ATRNL1: variants seen among roughly 807,000 people sequenced by gnomAD.
ATRNL1 encodes the protein attractin like 1.
ATRNL1 carries 95 observed loss-of-function variants against 182.7 expected under a neutral mutation model. The observed-to-expected ratio is 0.52, with a 90% CI of 0.44 to 0.62. The LOEUF (loss-of-function observed/expected upper bound fraction) is 0.62. ATRNL1 is among the 20% of genes least tolerant of loss of function. The pLI is 0.00. For missense variants in ATRNL1, 1,471 were observed against 1,679.5 expected, an observed-to-expected ratio of 0.88 and a Z score of 2.17; for synonymous variants, 576 against 568.3, an observed-to-expected ratio of 1.01 and a Z score of -0.19.
chr10:115,203,163 G>A (rs145106901), intron 8 of ATRNL1, among the ~76,000 whole-genome samples: 4 of 152,152 alleles, frequency 2.6e-5, no homozygotes, highest in African/African-American at 2.4e-5. Context: ...CCAGAAGCAG[G>A]GTTCAAAAGC....
chr10:115,297,033 AAT>A (rs1367150316), intron 15 of ATRNL1, among the ~76,000 whole-genome samples: 1 of 152,184 alleles, frequency 6.6e-6, no homozygotes, highest in Non-Finnish European at 1.5e-5. Flanking sequence ...ACCTAAGAAT[AAT>A]TTCCTAGAGG....
At chr10:115,189,928 A>T in intron 8 of ATRNL1, among the ~76,000 whole-genome samples, 1 of 151,886 alleles carries the variant, frequency 6.6e-6, no homozygotes, top group East Asian at 1.9e-4. Context: ...ACCATTTTTT[A>T]TTTTTTACAC....
intron 8 of ATRNL1, among the ~76,000 whole-genome samples, chr10:115,200,430 A>G (rs1256476303): frequency 5.3e-5 from 7 of 132,684 alleles, no homozygotes. Context: ...TCCTGTGTCC[A>G]TGTGTTCTCA....
At chr10:115,228,238 C>T (rs1348995214) in intron 9 of ATRNL1, among the ~76,000 whole-genome samples, 1 of 152,154 alleles carries the variant, frequency 6.6e-6, no homozygotes, top group Admixed American at 6.5e-5. Flanking sequence ...TGCTATCCCA[C>T]TCCTTCAGGA....
intron 28 of ATRNL1, among the ~76,000 whole-genome samples, chr10:115,905,898 A>G (rs1952488803): frequency 1.3e-5 from 2 of 152,214 alleles, no homozygotes; most frequent in South Asian, 4.1e-4. Flanking sequence ...ATTCCTCCTC[A>G]TGTCATTCAA....
intron 26 of ATRNL1, among the ~76,000 whole-genome samples, chr10:115,588,557 G>T (rs546785939): frequency 1.4e-3 from 211 of 152,288 alleles, no homozygotes; most frequent in African/African-American, 4.7e-3. Flanking sequence ...CCTTTGGGAG[G>T]AACAACAAAA....
At chr10:115,700,848 A>G (rs782370047) in intron 26 of ATRNL1, among the ~76,000 whole-genome samples, 1 of 152,132 alleles carries the variant, frequency 6.6e-6, no homozygotes, top group Non-Finnish European at 1.5e-5. Flanking sequence ...ACAGCTACAC[A>G]ATAATAGAGG....
chr10:115,136,112 C>A (rs1205724936), intron 5 of ATRNL1, among the ~76,000 whole-genome samples: 1 of 151,956 alleles, frequency 6.6e-6, no homozygotes, highest in Non-Finnish European at 1.5e-5. Context: ...GATCCTCCCA[C>A]CTTGGCCTTT....
intron 26 of ATRNL1, among the ~76,000 whole-genome samples, chr10:115,653,250 G>A (rs112028645): frequency 0.02 from 3,020 of 152,306 alleles, 66 homozygotes; most frequent in East Asian, 0.12. Flanking sequence ...GCACATGTAA[G>A]TTTTCATCTG....
At chr10:115,716,742 A>G (rs1197799177) in intron 26 of ATRNL1, among the ~76,000 whole-genome samples, 4 of 152,136 alleles carry the variant, frequency 2.6e-5, no homozygotes, top group Non-Finnish European at 5.9e-5. Context: ...TTGTAGTCAG[A>G]TGCTTTTATA....
chr10:115,507,087 G>T (rs1850152460), intron 24 of ATRNL1, among the ~76,000 whole-genome samples: 1 of 152,088 alleles, frequency 6.6e-6, no homozygotes, highest in Non-Finnish European at 1.5e-5. Flanking sequence ...ACAGCTTGAA[G>T]CAAAGATGGG....
intron 28 of ATRNL1, among the ~76,000 whole-genome samples, chr10:115,934,976 C>G (rs1306736596): frequency 6.6e-6 from 1 of 152,208 alleles, no homozygotes; most frequent in Admixed American, 6.5e-5. Context: ...ACACACCACA[C>G]CCCTCCTGCC....
intron 26 of ATRNL1, among the ~76,000 whole-genome samples, chr10:115,637,025 G>C (rs553221436): frequency 6.6e-6 from 1 of 152,258 alleles, no homozygotes; most frequent in Admixed American, 6.5e-5. Flanking sequence ...TAGTAAACAG[G>C]TCAGAAGAAG....
At chr10:115,673,555 T>TGG (rs1945766423) in intron 26 of ATRNL1, among the ~76,000 whole-genome samples, 1 of 152,094 alleles carries the variant, frequency 6.6e-6, no homozygotes, top group African/African-American at 2.4e-5. Flanking sequence ...TATGAACCAG[T>TGG]AATTTCTAAG....
intron 14 of ATRNL1, 31 bp downstream of exon 14, chr10:115,281,518 T>G (rs1554916829): frequency 6.2e-7 from 1 of 1,606,028 alleles, no homozygotes; most frequent in Admixed American, 1.7e-5. Flanking sequence ...TAAATGAGTT[T>G]ATGGTCTACA....
chr10:115,798,330 T>C (rs1310450863), intron 27 of ATRNL1, among the ~76,000 whole-genome samples: 1 of 152,170 alleles, frequency 6.6e-6, no homozygotes, highest in Non-Finnish European at 1.5e-5. Context: ...CTAGGTGAGA[T>C]TCCTGCTCTC....
chr10:115,287,039 C>T (rs781833282), intron 15 of ATRNL1, among the ~76,000 whole-genome samples: 3 of 151,794 alleles, frequency 2.0e-5, no homozygotes, highest in South Asian at 2.1e-4. Flanking sequence ...AAGGGACCTC[C>T]GTATCCTCCA....
chr10:115,302,274 GC>G (rs1853510281), intron 17 of ATRNL1, among the ~76,000 whole-genome samples: 1 of 152,070 alleles, frequency 6.6e-6, no homozygotes, highest in African/African-American at 2.4e-5. Flanking sequence ...CATATGTACA[GC>G]CTCTTTTCCC....
intron 9 of ATRNL1, among the ~76,000 whole-genome samples, chr10:115,227,235 T>C (rs1403229615): frequency 1.3e-5 from 2 of 151,798 alleles, no homozygotes; most frequent in Non-Finnish European, 2.9e-5. Flanking sequence ...AAAAGACAAA[T>C]AACCCCATTA....
Sources: gnomAD v4.1 joint callset for allele counts (sites outside exome capture counted in the v4.1 genomes callset) on GRCh38, gnomAD v4.1.1 for gene constraint, MANE v1.5 for transcripts, NCBI Gene and HGNC (gene_info 2026-07-23, HGNC 2026-07-21) for gene names.